Variants in SLC22A15 observed in about 807,000 individuals in gnomAD.
SLC22A15 encodes the protein flipt 1.
In SLC22A15, 45 loss-of-function variants were observed where a neutral mutation model predicts 62.7. The ratio of observed to expected loss-of-function variants is 0.72; its 90% CI spans 0.56 to 0.92. The LOEUF (loss-of-function observed/expected upper bound fraction) is 0.92. Among genes scored for constraint, SLC22A15 ranks in the 40% least tolerant of loss-of-function variants. The pLI, the probability that SLC22A15 is intolerant of heterozygous loss-of-function variation, is 0.00. For missense variants in SLC22A15, 622 were observed against 665.6 expected (o/e 0.93, Z 0.72); for synonymous variants, 264 against 267.0 (o/e 0.99, Z 0.11).
At position 116,026,990 on chromosome 1, in the gene SLC22A15, C is replaced by T; in HGVS notation, c.696C>T (p.Asn232=). ...RSWRTLAILV[N]LQGTVVFLLS... ...GGAGGACCCTAGCCATTCTGGTTAA[C>T]CTGCAGGGAACGGTGGTCTTTCTCT... The change falls in exon 5 of 12, where the codon AAC becomes AAT. Residue 232 remains asparagine, a synonymous_variant. Transcript: ENST00000369503. 6.2e-7 allele frequency: 1 copy of T among 1,613,906 alleles called. No homozygotes were observed. Among genetic ancestry groups the T allele is most frequent in the Non-Finnish European group, 8.5e-7 (1 of 1,179,822 alleles).
intron 3 of SLC22A15, among the ~76,000 whole-genome samples, chr1:116,020,316 G>T (rs1386734905): frequency 1.3e-5 from 2 of 151,184 alleles, no homozygotes; most frequent in African/African-American, 2.4e-5. Flanking sequence ...ACTTTGGGAG[G>T]CCGAGGTGGG....
At chr1:115,995,310 T>C (rs546592536) in intron 2 of SLC22A15, among the ~76,000 whole-genome samples, 208 of 152,296 alleles carry the variant, frequency 1.4e-3, no homozygotes, top group Admixed American at 2.6e-3. Context: ...GTTATATAAA[T>C]TTGCTATTTC....
intron 7 of SLC22A15, among the ~76,000 whole-genome samples, 185 bp downstream of exon 7, chr1:116,035,512 C>T (rs1657602329): frequency 6.6e-6 from 1 of 152,146 alleles, no homozygotes; most frequent in Non-Finnish European, 1.5e-5. Context: ...TGCAGGATTT[C>T]TTGAGTTTCA....
At chr1:116,016,532 G>A (rs7535090) in intron 2 of SLC22A15, among the ~76,000 whole-genome samples, 35,040 of 152,068 alleles carry the variant, frequency 0.23, 4,544 homozygotes, top group East Asian at 0.48. Context: ...GCCTGTATCT[G>A]TAGTTTCATA....
rs573993698 is a variant in SLC22A15, at chr1:116,052,986, A to G, written c.1172-9776A>G. 6.6e-5 allele frequency among the ~76,000 whole-genome samples: 10 copies of G among 152,330 alleles called. No homozygotes were observed. In the East Asian group the frequency reaches 1.7e-3, roughly 26 times the overall value. On this transcript the variant is annotated intron_variant, in intron 8 of 11. Coordinates refer to ENST00000369503, the MANE Select transcript of SLC22A15 (RefSeq NM_018420.3). Reference sequence around the variant, plus strand: ...ACAGAGCAGAAAAACTGGAAACTCTAAAAAGCAGAGTGCCTCTCCTCCTCC... The same window carrying G: ...ACAGAGCAGAAAAACTGGAAACTCTGAAAAGCAGAGTGCCTCTCCTCCTCC...
At chr1:115,998,429 T>C (rs1168307346) in intron 2 of SLC22A15, among the ~76,000 whole-genome samples, 1 of 152,152 alleles carries the variant, frequency 6.6e-6, no homozygotes, top group East Asian at 1.9e-4. Flanking sequence ...TGGCATTTCT[T>C]TTCTGGGAGA....
chr1:116,048,989 T>G (rs1224946809), intron 8 of SLC22A15, among the ~76,000 whole-genome samples: 7 of 152,120 alleles, frequency 4.6e-5, no homozygotes, highest in African/African-American at 1.7e-4. Context: ...CAACAGTGGT[T>G]AAAAGAGACA....
intron 2 of SLC22A15, chr1:116,014,046 T>A (rs1404015442): frequency 6.6e-6 from 1 of 152,240 alleles, no homozygotes; most frequent in African/African-American, 2.4e-5. Flanking sequence ...ACGCCAGTAC[T>A]TTATCCCTTA....
At position 116,043,613 on chromosome 1, in the gene SLC22A15, G is replaced by A. The variant is rs115356606; in HGVS notation, c.1171+6225G>A. Among the ~76,000 whole-genome samples, 596 of 151,988 alleles carry A rather than the reference G, an allele frequency of 3.9e-3. 5 individuals are homozygous for A. Among genetic ancestry groups the A allele is most frequent in the African/African-American group, 0.014 (580 of 41,478 alleles). On this transcript the variant is annotated intron_variant, in intron 8 of 11. Coordinates refer to ENST00000369503, the MANE Select transcript of SLC22A15 (RefSeq NM_018420.3). Reference sequence around the variant, plus strand: ...GAAGAGCTAATTAAGCACAATGCAAGCACAGGAAGAAAATAATAAATATAA... The same window carrying A: ...GAAGAGCTAATTAAGCACAATGCAAACACAGGAAGAAAATAATAAATATAA...
chr1:116,038,149 C>G (rs559601267), intron 8 of SLC22A15, among the ~76,000 whole-genome samples: 1 of 152,240 alleles, frequency 6.6e-6, no homozygotes, highest in Non-Finnish European at 1.5e-5. Flanking sequence ...CAACAACTCT[C>G]TCATGCTGGA....
intron 6 of SLC22A15, 131 bp from the exon 7 acceptor site, chr1:116,035,056 A>G: frequency 1.0e-6 from 1 of 963,312 alleles, no homozygotes; most frequent in Non-Finnish European, 1.5e-6. Flanking sequence ...TAGGAGAGAC[A>G]AGCTTATTGC....
At chr1:116,035,145 T>G in intron 6 of SLC22A15, 42 bp from the exon 7 acceptor site, 1 of 1,591,232 alleles carries the variant, frequency 6.3e-7, no homozygotes, top group South Asian at 1.1e-5. Flanking sequence ...TCTGTTGTCC[T>G]TCTTGTCTTT....
At chr1:116,032,696 T>G in intron 6 of SLC22A15, 1 of 946,806 alleles carries the variant, frequency 1.1e-6, no homozygotes, top group South Asian at 4.9e-5. Context: ...ATGTTGAGGC[T>G]TGGAGGCATG....
At chr1:115,988,605 C>T (rs1250496112) in intron 1 of SLC22A15, among the ~76,000 whole-genome samples, 1 of 152,074 alleles carries the variant, frequency 6.6e-6, no homozygotes, top group Admixed American at 6.6e-5. Context: ...GTTGCAACCT[C>T]CGTCTCCTGG....
In SLC22A15 at chr1:116,069,550, G is replaced by C. The variant is rs1469548379; in HGVS notation, c.*2442G>C. 6.6e-6 allele frequency: 1 copy of C among 151,988 alleles called. No individual in the cohort carries two copies. Among genetic ancestry groups the C allele is most frequent in the East Asian group, 1.9e-4 (1 of 5,190 alleles). 9.4% of individuals were successfully genotyped at this position (151,988 alleles called of 1,614,324 possible). On this transcript the variant is annotated 3_prime_UTR_variant, in exon 12 of 12. Coordinates refer to ENST00000369503, the MANE Select transcript of SLC22A15 (RefSeq NM_018420.3). Reference sequence around the variant, plus strand: ...TATATAAGAAACCCCAGAGTTTCCAGGGTGAAAGTTCACATTAGCAGCTTG... The same window carrying C: ...TATATAAGAAACCCCAGAGTTTCCACGGTGAAAGTTCACATTAGCAGCTTG...
chr1:115,989,729 C>G (rs1313072457), intron 1 of SLC22A15, among the ~76,000 whole-genome samples: 2 of 149,638 alleles, frequency 1.3e-5, no homozygotes, highest in African/African-American at 2.5e-5. Context: ...TGCAGTGAGC[C>G]AAGATCGCAC....
At chr1:116,032,959 A>G (rs535573764) in intron 6 of SLC22A15, among the ~76,000 whole-genome samples, 3 of 152,302 alleles carry the variant, frequency 2.0e-5, no homozygotes, top group African/African-American at 7.2e-5. Context: ...CTGGCCTTCA[A>G]TGGATAAACA....
chr1:115,981,746 T>G (rs927066551), intron 1 of SLC22A15, among the ~76,000 whole-genome samples: 6 of 152,194 alleles, frequency 3.9e-5, no homozygotes, highest in Non-Finnish European at 8.8e-5. Context: ...GACTGATACC[T>G]CTGCAGCACC....
At chr1:116,033,595 G>A (rs75514911) in intron 6 of SLC22A15, among the ~76,000 whole-genome samples, 22 of 85,418 alleles carry the variant, frequency 2.6e-4, no homozygotes, top group African/African-American at 6.9e-4. Context: ...GTGTATGTGT[G>A]TGTGTGTGGC....
Sources: allele counts gnomAD v4.1 joint callset (sites outside exome capture counted in the v4.1 genomes callset), GRCh38; gene constraint gnomAD v4.1.1; transcripts MANE v1.5; gene names NCBI Gene and HGNC (gene_info 2026-07-23, HGNC 2026-07-21).